ZNF23: variants seen among roughly 807,000 people sequenced by gnomAD.
The protein encoded by ZNF23 is kruppel-like zinc finger factor X31.
Under a neutral mutation model 56.2 loss-of-function variants are expected in ZNF23, and 48 were observed. The observed-to-expected ratio is 0.85, with a 90% CI of 0.68 to 1.09. The LOEUF is 1.09. Among genes scored for constraint, ZNF23 ranks in the 50% least tolerant of loss-of-function variants. The pLI is 0.00. For missense variants in ZNF23, 805 were observed against 811.4 expected, an observed-to-expected ratio of 0.99 and a Z score of 0.10; for synonymous variants, 266 against 283.3, an observed-to-expected ratio of 0.94 and a Z score of 0.61.
At position 71,450,055 on chromosome 16, in the gene ZNF23, G is replaced by C. The variant is rs3886947; in HGVS notation, c.269-170C>G. The stretch of plus-strand genomic sequence containing the variant: ...GGGATAAGTAATTTGTAACTAACTA[G>C]TAAAAGAATACAATAAATCCATATA... On this transcript the variant is annotated intron_variant, in intron 4 of 4. Transcript: ENST00000647773. 0.12 allele frequency: 59,919 copies of C among 508,480 alleles called. 4,113 individuals carry two copies. The highest frequency in any genetic ancestry group is 0.15 in the Non-Finnish European group (42,916 of 294,982). The allele number at this position is 508,480 out of a possible 1,614,324, so 31.5% of individuals were successfully genotyped here.
chr16:71,460,308 C>T (rs1013040308), intron 1 of ZNF23, among the ~76,000 whole-genome samples: 1 of 143,128 alleles, frequency 7.0e-6, no homozygotes, highest in Admixed American at 6.9e-5. Context: ...GGCTCCCTCC[C>T]AAGGGGATAG....
At chr16:71,454,297 G>T in intron 2 of ZNF23, 129 bp from the exon 3 acceptor site, 1 of 1,253,128 alleles carries the variant, frequency 8.0e-7, no homozygotes, top group Non-Finnish European at 1.1e-6. Flanking sequence ...AACAACAAGG[G>T]GAAGATCTCA....
intron 4 of ZNF23, chr16:71,451,934 T>G (rs2043068849): frequency 6.6e-6 from 1 of 152,240 alleles, no homozygotes; most frequent in Non-Finnish European, 1.5e-5. Flanking sequence ...CTTAAACAGG[T>G]ATCACTGACT....
rs374630470 is a variant in ZNF23 at position 71,453,234 on chromosome 16, C to T, written c.268+9G>A. 2.1e-5 allele frequency: 34 copies of T among 1,594,726 alleles called. No individual in the cohort carries two copies. The African/African-American group carries it at 3.6e-4, about 17-fold the overall frequency. On this transcript the variant is annotated intron_variant, in intron 4 of 4. Transcript: ENST00000647773. ...TTCCAACAGAGTGGGAAATATGTAC[C>T]TCCCTTACCAGTCTGGAGGCCCTGG...
chr16:71,455,583 C>T (rs764614797), intron 2 of ZNF23, among the ~76,000 whole-genome samples: 21 of 152,162 alleles, frequency 1.4e-4, no homozygotes, highest in Non-Finnish European at 2.6e-4. Flanking sequence ...TCTTGAACTC[C>T]TGACCTCAAG....
intron 2 of ZNF23, 80 bp downstream of exon 2, chr16:71,456,684 C>T (rs1174469316): frequency 1.0e-5 from 10 of 986,172 alleles, no homozygotes; most frequent in African/African-American, 5.2e-5. Context: ...GCTGTCATCC[C>T]GAGGCTCACC....
intron 2 of ZNF23, among the ~76,000 whole-genome samples, chr16:71,455,626 G>C (rs2043202717): frequency 6.6e-6 from 1 of 152,020 alleles, no homozygotes; most frequent in South Asian, 2.1e-4. Context: ...CAAAGTGCTG[G>C]GATTACAGGT....
At chr16:71,451,303 C>T (rs1393332422) in intron 4 of ZNF23, 7 of 152,204 alleles carry the variant, frequency 4.6e-5, no homozygotes, top group African/African-American at 1.7e-4. Flanking sequence ...AATATGCCCC[C>T]TGCCCCAGTA....
Position 71,449,395 on chromosome 16 carries a change from T to G in ZNF23, c.759A>C (p.Lys253Asn). The change falls in exon 5 of 5, where the codon AAA (lysine) becomes AAC (asparagine). Residue 253 changes from lysine to asparagine, a missense_variant. Coordinates refer to ENST00000647773, the MANE Select transcript of ZNF23 (RefSeq NM_001381984.1). Reference protein sequence around the residue: ...ECGKAFSINEKLIWHQRLHSG... With the variant: ...ECGKAFSINENLIWHQRLHSG... ...TGTGAAGTCTCTGATGCCAAATTAA[T>G]TTCTCATTAATGCTGAAAGCTTTGC... 2 of 1,614,224 alleles carry G rather than the reference T, an allele frequency of 1.2e-6. No individual in the cohort carries two copies. Among genetic ancestry groups the G allele is most frequent in the Non-Finnish European group, 1.7e-6 (2 of 1,180,042 alleles).
In ZNF23 at chr16:71,449,755, C is replaced by A. The variant is rs1012520477; in HGVS notation, c.399G>T (p.Gln133His). The A allele has an allele frequency of 1.2e-6, 2 of 1,614,088 alleles. No homozygotes were observed. Among genetic ancestry groups the A allele is most frequent in the Non-Finnish European group, 8.5e-7 (1 of 1,180,034 alleles). The change falls in exon 5 of 5, where the codon CAG becomes CAT. Residue 133 changes from glutamine (Q) to histidine (H), a missense_variant. By Grantham distance (24) the Gln-to-His change is conservative. Transcript: ENST00000647773. ...FSEASLLEKQ[Q>H]EVHSAGNIKK... ...TTATATTTCCTGCTGAGTGGACTTCCTGTTGTTTCTCTAGAAGAGAGGCTT... is the reference window on the plus strand; with the variant it reads ...TTATATTTCCTGCTGAGTGGACTTCATGTTGTTTCTCTAGAAGAGAGGCTT...
intron 1 of ZNF23, chr16:71,461,511 G>C (rs1364147220): frequency 1.3e-5 from 2 of 152,154 alleles, no homozygotes; most frequent in African/African-American, 4.8e-5. Context: ...TGTACTTTAG[G>C]TAGTAAATTT....
Position 71,448,528 on chromosome 16 carries a change from A to G in ZNF23, c.1626T>C (p.Thr542=), listed in dbSNP as rs763656024. The G allele has an allele frequency of 3.1e-6, 5 of 1,613,742 alleles. No individual in the cohort carries two copies. The South Asian group carries it at 4.4e-5, about 14-fold the overall frequency. The change falls in exon 5 of 5, where the codon ACT becomes ACC. Residue 542 remains threonine, a synonymous_variant. Transcript: ENST00000647773. ...CCTTACATTGATAGGGCTTTTCTCC[A>G]GTATGGATTCGGTGATGATCAAGTA... ...RNLLDHHRIH[T]GEKPYQCKEC... is the part of the protein sequence containing the mutation.
chr16:71,450,717 T>TAA, intron 4 of ZNF23: 1 of 369,604 alleles, frequency 2.7e-6, no homozygotes, highest in Admixed American at 3.3e-5. Flanking sequence ...AGACTCCATC[T>TAA]CAAAAAAAAA....
Position 71,448,037 on chromosome 16 carries a change from T to C in ZNF23, c.*56A>G. On this transcript the variant is annotated 3_prime_UTR_variant, in exon 5 of 5. Coordinates refer to ENST00000647773, the MANE Select transcript of ZNF23 (RefSeq NM_001381984.1). ...GAGGTTTTTCAATGGATGAATCTGA[T>C]GATACTTGATCCATTTTGGCATTAA... 2 of 1,406,686 alleles carry C rather than the reference T, an allele frequency of 1.4e-6. No individual in the cohort carries two copies. Among genetic ancestry groups the C allele is most frequent in the Non-Finnish European group, 1.9e-6 (2 of 1,036,256 alleles). The allele number at this position is 1,406,686 out of a possible 1,614,324, so 87.1% of individuals were successfully genotyped here.
chr16:71,449,733 T>C lies in ZNF23; in HGVS notation c.421A>G (p.Ile141Val), dbSNP rs2042984860. The C allele has an allele frequency of 6.2e-7, 1 of 1,614,086 alleles. No individual in the cohort carries two copies. Among genetic ancestry groups the C allele is most frequent in the Non-Finnish European group, 8.5e-7 (1 of 1,180,032 alleles). Residue 141 changes from isoleucine to valine, a missense_variant, in exon 5 of 5, where the codon ATA becomes GTA. Physicochemically the swap from Ile to Val is conservative, Grantham distance 29 (BLOSUM62 3). Coordinates refer to ENST00000647773, the MANE Select transcript of ZNF23 (RefSeq NM_001381984.1). The stretch of plus-strand genomic sequence containing the variant: ...ATGGTGTTGCTCTTCTCCTTCTTTA[T>C]ATTTCCTGCTGAGTGGACTTCCTGT... ...KQQEVHSAGN[I>V]KKEKSNTIDG...
In ZNF23 at chr16:71,448,173, A is replaced by G; in HGVS notation, c.1981T>C (p.Cys661Arg). 6.2e-7 allele frequency: 1 copy of G among 1,614,206 alleles called. No homozygotes were observed. Among genetic ancestry groups the G allele is most frequent in the Non-Finnish European group, 8.5e-7 (1 of 1,180,036 alleles). ...CTGAATGCTTTCCCACACACACTAC[A>G]CATATAGGGTTTCTTCCAAGTGTGG... The part of the protein sequence containing the change: ...TVHTWKKPYM[C>R]SVCGKAFRFS... Residue 661 changes from cysteine (C) to arginine (R), a missense_variant, in exon 5 of 5, where the codon TGT (cysteine) becomes CGT (arginine). Transcript: ENST00000647773.
chr16:71,448,035 G>A lies in ZNF23; in HGVS notation c.*58C>T, dbSNP rs186617347. ...TGGAGGTTTTTCAATGGATGAATCT[G>A]ATGATACTTGATCCATTTTGGCATT... On this transcript the variant is annotated 3_prime_UTR_variant, in exon 5 of 5. Coordinates refer to ENST00000647773, the MANE Select transcript of ZNF23 (RefSeq NM_001381984.1). 604 of 1,389,382 alleles carry A rather than the reference G, an allele frequency of 4.3e-4. 1 individual carries two copies. Among genetic ancestry groups the A allele is most frequent in the Non-Finnish European group, 5.4e-4 (556 of 1,021,284 alleles). 86.1% of individuals were successfully genotyped at this position (1,389,382 alleles called of 1,614,324 possible).
At position 71,449,119 on chromosome 16, in the gene ZNF23, G is replaced by C. The variant is rs774467006; in HGVS notation, c.1035C>G (p.His345Gln). ...TACACTCGTAAGGTTTCTCTCCAGT[G>C]TGGACTCTCTGATGTGTAATATATG... Reference protein sequence around the residue: ...SSAYITHQRVHTGEKPYECND... With the variant: ...SSAYITHQRVQTGEKPYECND... Residue 345 changes from histidine (H) to glutamine (Q), a missense_variant, in exon 5 of 5, where the codon CAC becomes CAG. By Grantham distance (24) the His-to-Gln change is conservative. Coordinates refer to ENST00000647773, the MANE Select transcript of ZNF23 (RefSeq NM_001381984.1). 5.9e-5 allele frequency: 95 copies of C among 1,614,194 alleles called. No homozygotes were observed. The East Asian group carries it at 2.1e-3, about 35-fold the overall frequency.
rs964564935 is a variant in ZNF23 at position 71,457,332 on chromosome 16, G to A, written c.-32-504C>T. On this transcript the variant is annotated intron_variant, in intron 1 of 4. Transcript: ENST00000647773. ...GTAATCCCAGCACTTTGGGAGGCCAGGGCGGGTGGATCACAAGGTCAGGAG... is the reference window on the plus strand; with the variant it reads ...GTAATCCCAGCACTTTGGGAGGCCAAGGCGGGTGGATCACAAGGTCAGGAG... 7.9e-5 allele frequency among the ~76,000 whole-genome samples: 12 copies of A among 152,082 alleles called. No homozygotes were observed. In the East Asian group the frequency reaches 2.1e-3, roughly 27 times the overall value.
Sources: gnomAD v4.1 joint callset for allele counts (sites outside exome capture counted in the v4.1 genomes callset) on GRCh38, gnomAD v4.1.1 for gene constraint, MANE v1.5 for transcripts, NCBI Gene and HGNC (gene_info 2026-07-23, HGNC 2026-07-21) for gene names.